Variants in NOX4 observed in about 807,000 individuals in gnomAD.
NOX4 encodes NADPH oxidase 4.
NOX4 carries 69 observed loss-of-function variants against 87.6 expected under a neutral mutation model. That is an observed-to-expected ratio of 0.79 (90% CI 0.65 to 0.96). The LOEUF (loss-of-function observed/expected upper bound fraction) is 0.96, where lower values mean the gene tolerates loss of function less well. Among genes scored for constraint, NOX4 ranks in the 40% least tolerant of loss-of-function variants. The pLI is 0.00. For synonymous variants in NOX4, 275 were observed against 238.2 expected, an observed-to-expected ratio of 1.15 and a Z score of -1.42; for missense variants, 680 against 681.5, an observed-to-expected ratio of 1.00 and a Z score of 0.02.
chr11:89,463,538 T>C (rs1945559056), intron 2 of NOX4, among the ~76,000 whole-genome samples: 1 of 152,028 alleles, frequency 6.6e-6, no homozygotes, highest in Non-Finnish European at 1.5e-5. Flanking sequence ...TTTCTTATCT[T>C]GAATTTGTTC....
the NOX4 span, among the ~76,000 whole-genome samples, chr11:89,570,948 G>T: frequency 2.6e-5 from 4 of 152,148 alleles, no homozygotes; most frequent in African/African-American, 9.7e-5. Flanking sequence ...CATAGATTAG[G>T]TTCACTTAAT....
the NOX4 span, chr11:89,546,531 A>G: frequency 1.3e-5 from 2 of 152,302 alleles, no homozygotes; most frequent in African/African-American, 2.4e-5. Flanking sequence ...GAATCCATTT[A>G]TATAAACTTT....
chr11:89,456,579 G>A (rs1231315224), intron 2 of NOX4, among the ~76,000 whole-genome samples: 1 of 152,156 alleles, frequency 6.6e-6, no homozygotes, highest in Non-Finnish European at 1.5e-5. Context: ...GAGCCCTGTA[G>A]GGGGCTGCTG....
intron 8 of NOX4, among the ~76,000 whole-genome samples, chr11:89,407,229 ATG>A (rs1294047080): frequency 6.6e-6 from 1 of 152,118 alleles, no homozygotes; most frequent in African/African-American, 2.4e-5. Context: ...GCATTCTTGT[ATG>A]TATTGTTGTA....
intron 12 of NOX4, among the ~76,000 whole-genome samples, chr11:89,365,453 G>T (rs1476059912): frequency 9.9e-6 from 1 of 101,126 alleles, no homozygotes; most frequent in Admixed American, 8.8e-5. Context: ...GAAAGAGGGT[G>T]GGAAAAAAAA....
At chr11:89,459,246 T>C (rs1040495703) in intron 2 of NOX4, among the ~76,000 whole-genome samples, 2 of 151,426 alleles carry the variant, frequency 1.3e-5, no homozygotes, top group Non-Finnish European at 2.9e-5. Flanking sequence ...AGCTAAACAC[T>C]GAGTAAACAG....
intron 4 of NOX4, 97 bp from the exon 5 acceptor site, chr11:89,444,329 A>G: frequency 1.1e-6 from 1 of 891,754 alleles, no homozygotes; most frequent in South Asian, 1.5e-5. Flanking sequence ...ACAGGGCCAA[A>G]CTTTGACAGC....
At chr11:89,512,098 G>C in the NOX4 span, among the ~76,000 whole-genome samples, 1 of 151,914 alleles carries the variant, frequency 6.6e-6, no homozygotes, top group East Asian at 1.9e-4. Flanking sequence ...TCTTAATGAA[G>C]CCAATACATT....
At chr11:89,378,325 T>G (rs1005331958) in intron 11 of NOX4, among the ~76,000 whole-genome samples, 2 of 152,166 alleles carry the variant, frequency 1.3e-5, no homozygotes, top group African/African-American at 2.4e-5. Context: ...GTGACTTCCT[T>G]TCCATTTCTT....
intron 2 of NOX4, among the ~76,000 whole-genome samples, chr11:89,489,349 C>T (rs918194859): frequency 6.6e-6 from 1 of 151,714 alleles, no homozygotes; most frequent in Non-Finnish European, 1.5e-5. Context: ...TTTTCTGCAC[C>T]CCCCCACTCA....
At chr11:89,453,834 A>G (rs73535439) in intron 2 of NOX4, among the ~76,000 whole-genome samples, 6,680 of 152,220 alleles carry the variant, frequency 0.044, 440 homozygotes, top group African/African-American at 0.15. Flanking sequence ...CCACTTTATC[A>G]TGCTGCTAAA....
the NOX4 span, among the ~76,000 whole-genome samples, chr11:89,538,106 C>T: frequency 5.9e-5 from 9 of 152,298 alleles, no homozygotes; most frequent in Admixed American, 4.6e-4. Context: ...TGTCTCTTAG[C>T]ATGGACTGGA....
At chr11:89,461,192 A>C (rs938721429) in intron 2 of NOX4, among the ~76,000 whole-genome samples, 1 of 152,070 alleles carries the variant, frequency 6.6e-6, no homozygotes, top group Non-Finnish European at 1.5e-5. Context: ...TAGCATTAGG[A>C]GATATACCTA....
intron 11 of NOX4, among the ~76,000 whole-genome samples, chr11:89,380,491 A>G (rs1940201668): frequency 6.6e-6 from 1 of 152,144 alleles, no homozygotes; most frequent in African/African-American, 2.4e-5. Flanking sequence ...GAGAGGGAGC[A>G]GTAGCTAGAA....
the NOX4 span, among the ~76,000 whole-genome samples, chr11:89,518,326 C>A: frequency 1.3e-5 from 2 of 151,416 alleles, no homozygotes; most frequent in African/African-American, 4.8e-5. Flanking sequence ...AAAAAATGAC[C>A]ACAGGAATTC....
In NOX4 at chr11:89,474,309, C is replaced by CTT. The variant is rs1045976673; in HGVS notation, c.153+16147_153+16148dup. Among the ~76,000 whole-genome samples, 454 of 151,864 alleles carry CTT rather than the reference C, an allele frequency of 3.0e-3. 2 individuals are homozygous for CTT. Among genetic ancestry groups the CTT allele is most frequent in the African/African-American group, 9.2e-3 (383 of 41,450 alleles). On this transcript the variant is annotated intron_variant, in intron 2 of 17. Coordinates refer to ENST00000263317, the MANE Select transcript of NOX4 (RefSeq NM_016931.5). ...AAAGGAAATGCAATTCAAATTTAAT[C>CTT]TTTTTTTTCTCTAAAAACTAATATT...
chr11:89,341,398 C>T (rs780044550), intron 14 of NOX4, among the ~76,000 whole-genome samples: 24 of 152,126 alleles, frequency 1.6e-4, no homozygotes, highest in Admixed American at 5.2e-4. Context: ...GCTGGGATTA[C>T]AGGTGTGAGC....
At chr11:89,490,188 G>A (rs1946794849) in intron 2 of NOX4, among the ~76,000 whole-genome samples, 2 of 152,178 alleles carry the variant, frequency 1.3e-5, no homozygotes, top group East Asian at 1.9e-4. Context: ...GCAATAAGTA[G>A]CAATTTTTTT....
At chr11:89,537,409 A>G in the NOX4 span, among the ~76,000 whole-genome samples, 17 of 151,508 alleles carry the variant, frequency 1.1e-4, no homozygotes, top group African/African-American at 4.1e-4. Flanking sequence ...GTATAGTTAT[A>G]TATACATATT....
Sources: gnomAD v4.1 joint callset for allele counts (sites outside exome capture counted in the v4.1 genomes callset) on GRCh38, gnomAD v4.1.1 for gene constraint, MANE v1.5 for transcripts, NCBI Gene and HGNC (gene_info 2026-07-23, HGNC 2026-07-21) for gene names.